The following CEACAM8 variants were observed in gnomAD, a reference collection of about 807,000 sequenced individuals.
CEACAM8 encodes the protein CEA cell adhesion molecule 8, also known as cell adhesion molecule CEACAM8.
A neutral mutation model predicts 33.4 loss-of-function variants in CEACAM8; 31 were observed. The ratio of observed to expected loss-of-function variants is 0.93; its 90% CI spans 0.70 to 1.25. The LOEUF (loss-of-function observed/expected upper bound fraction) is 1.25, where lower values mean the gene tolerates loss of function less well. Ranked by LOEUF, CEACAM8 falls within the 50% of genes most tolerant of loss-of-function variation. CEACAM8 has a pLI of 0.00. For missense variants in CEACAM8, 388 were observed against 434.6 expected (o/e 0.89, Z 0.95); for synonymous variants, 138 against 164.5 (o/e 0.84, Z 1.23).
intron 4 of CEACAM8, among the ~76,000 whole-genome samples, chr19:42,583,692 G>T (rs2042289968): frequency 6.6e-6 from 1 of 152,096 alleles, no homozygotes; most frequent in African/African-American, 2.4e-5. Context: ...GTTGTGGCAG[G>T]TCTCTATGGC....
In CEACAM8 at chr19:42,593,608, G is replaced by A. The variant is rs2042487635; in HGVS notation, c.357C>T (p.Ser119=). 1.9e-6 allele frequency: 3 copies of A among 1,612,018 alleles called. No individual in the cohort carries two copies. The highest frequency in any genetic ancestry group is 2.7e-5 in the African/African-American group (2 of 75,022). Residue 119 remains serine, a synonymous_variant, in exon 2 of 6, where the codon TCC becomes TCT. Transcript: ENST00000244336. ...MRNVTRNDTG[S]YTLQVIKLNL... The stretch of plus-strand genomic sequence containing the variant: ...TTAGCTTTATGACTTGTAGGGTGTA[G>A]GATCCTGTGTCATTTCTGGTGACGT...
At chr19:42,589,061 C>T in intron 3 of CEACAM8, 23 bp from the exon 4 acceptor site, 3 of 1,598,588 alleles carry the variant, frequency 1.9e-6, no homozygotes, top group Non-Finnish European at 2.6e-6. Flanking sequence ...AATAAAGTCA[C>T]AGGTGATGTC....
intron 2 of CEACAM8, among the ~76,000 whole-genome samples, chr19:42,590,909 G>A (rs9304604): frequency 0.22 from 34,127 of 152,142 alleles, 6,217 homozygotes; most frequent in African/African-American, 0.5. Flanking sequence ...AAGGCTTAGG[G>A]CCAAAAGTGT....
At chr19:42,582,662 G>T (rs540219969) in intron 5 of CEACAM8, among the ~76,000 whole-genome samples, 2 of 152,126 alleles carry the variant, frequency 1.3e-5, no homozygotes, top group African/African-American at 4.8e-5. Context: ...GGGTAGATGC[G>T]CAGGGAAGTG....
intron 2 of CEACAM8, among the ~76,000 whole-genome samples, chr19:42,589,937 A>G (rs968289087): frequency 3.3e-5 from 5 of 152,310 alleles, no homozygotes; most frequent in African/African-American, 1.2e-4. Flanking sequence ...TGGGAGAAAC[A>G]CAGACTTTCT....
intron 2 of CEACAM8, among the ~76,000 whole-genome samples, chr19:42,590,778 G>T (rs867784943): frequency 3.9e-5 from 6 of 152,154 alleles, no homozygotes; most frequent in Admixed American, 1.3e-4. Flanking sequence ...GGCTGGGAGT[G>T]GGGGGAATGG....
At chr19:42,591,190 A>AT (rs963983097) in intron 2 of CEACAM8, among the ~76,000 whole-genome samples, 10 of 152,328 alleles carry the variant, frequency 6.6e-5, no homozygotes, top group Non-Finnish European at 1.2e-4. Context: ...GGAAACATGA[A>AT]TTTTTTTCCA....
chr19:42,582,975 A>T (rs2042280691), intron 5 of CEACAM8: 1 of 407,862 alleles, frequency 2.5e-6, no homozygotes, highest in Admixed American at 4.3e-5. Context: ...AGACTTTCAT[A>T]GTGTATTGAA....
At chr19:42,581,920 A>AAAATATATAT (rs1555805368) in intron 5 of CEACAM8, among the ~76,000 whole-genome samples, 7 of 25,304 alleles carry the variant, frequency 2.8e-4, no homozygotes, top group Non-Finnish European at 4.6e-4. Context: ...AAAAAAAAAA[A>AAAATATATAT]ATATATATAT....
At chr19:42,589,322 G>C (rs746441590) in intron 3 of CEACAM8, 135 bp downstream of exon 3, 4 of 1,393,470 alleles carry the variant, frequency 2.9e-6, no homozygotes, top group Non-Finnish European at 4.0e-6. Flanking sequence ...GGGGCAGAAA[G>C]TCATGACGAG....
At position 42,589,641 on chromosome 19, in the gene CEACAM8, G is replaced by A. The variant is rs10418988; in HGVS notation, c.519C>T (p.Asn173=). The change falls in exon 3 of 6, where the codon AAC becomes AAT. Residue 173 remains asparagine (N), a synonymous_variant. Transcript: ENST00000244336. The part of the protein sequence containing the change: ...VAFTCEPETQ[N]TTYLWWVNGQ... ...CATTTACCCACCACAGGTAGGTTGT[G>A]TTCTGAGTCTCAGGTTCACAGGTGA... The A allele has an allele frequency of 3.8e-3, 6,129 of 1,614,240 alleles. 179 individuals are homozygous for A. In the African/African-American group the frequency reaches 0.062, roughly 16 times the overall value.
At position 42,594,844 on chromosome 19, in the gene CEACAM8, C is replaced by G; in HGVS notation, c.-16G>C. On this transcript the variant is annotated 5_prime_UTR_variant, in exon 1 of 6. Transcript: ENST00000244336. ...TGGGCCCCATGGTCTCTGCTGCCTG[C>G]GTGTTCTCCTCTGTGGAGATGAGCC... The G allele has an allele frequency of 6.2e-7, 1 of 1,605,824 alleles. No individual in the cohort carries two copies. Among genetic ancestry groups the G allele is most frequent in the East Asian group, 2.2e-5 (1 of 44,610 alleles).
At chr19:42,589,323 T>A in intron 3 of CEACAM8, 134 bp downstream of exon 3, 1 of 1,398,950 alleles carries the variant, frequency 7.1e-7, no homozygotes, top group South Asian at 1.3e-5. Context: ...GGGCAGAAAG[T>A]CATGACGAGC....
intron 1 of CEACAM8, 91 bp downstream of exon 1, chr19:42,594,674 G>C (rs1393196700): frequency 1.1e-5 from 11 of 994,078 alleles, no homozygotes; most frequent in Non-Finnish European, 1.7e-5. Context: ...GAAGTCCTCT[G>C]TCCCCTCTCA....
rs929281282 is a variant in CEACAM8 at position 42,589,654 on chromosome 19, G to A, written c.506C>T (p.Pro169Leu). The change falls in exon 3 of 6, where the codon CCT (proline) becomes CTT (leucine). Residue 169 changes from proline to leucine, a missense_variant. Coordinates refer to ENST00000244336, the MANE Select transcript of CEACAM8 (RefSeq NM_001816.4). ...CAGGTAGGTTGTGTTCTGAGTCTCAGGTTCACAGGTGAAGGCCACAGCATC... is the reference window on the plus strand; with the variant it reads ...CAGGTAGGTTGTGTTCTGAGTCTCAAGTTCACAGGTGAAGGCCACAGCATC... ...DKDAVAFTCE[P>L]ETQNTTYLWW... 3.7e-6 allele frequency: 6 copies of A among 1,614,120 alleles called. No individual in the cohort carries two copies. The highest frequency in any genetic ancestry group is 5.1e-6 in the Non-Finnish European group (6 of 1,180,046).
chr19:42,583,406 C>T (rs567025375), intron 4 of CEACAM8, 69 bp from the exon 5 acceptor site: 71 of 975,984 alleles, frequency 7.3e-5, no homozygotes, highest in Admixed American at 1.2e-4. Flanking sequence ...CCCCAGGAAC[C>T]AGCTCCTAGC....
Position 42,588,808 on chromosome 19 carries a change from T to C in CEACAM8, c.934A>G (p.Thr312Ala), listed in dbSNP as rs752662941. The change falls in exon 4 of 6, where the codon ACA (threonine) becomes GCA (alanine). Residue 312 changes from threonine (T) to alanine (A), a missense_variant. Coordinates refer to ENST00000244336, the MANE Select transcript of CEACAM8 (RefSeq NM_001816.4). ...TNSATGRNRTTVRMITVSDAL... is the reference protein window; with the variant it reads ...TNSATGRNRTAVRMITVSDAL... ...CCAGAGACTGTGATCATCCTGACTGTGGTCCTGTTGCGGCCAGTGGCTGAG... is the reference window on the plus strand; with the variant it reads ...CCAGAGACTGTGATCATCCTGACTGCGGTCCTGTTGCGGCCAGTGGCTGAG... The C allele has an allele frequency of 1.9e-6, 3 of 1,614,214 alleles. No individual in the cohort carries two copies. In the South Asian group the frequency reaches 3.3e-5, roughly 18 times the overall value.
In CEACAM8 at chr19:42,588,705, CT is replaced by C. The variant is rs1158265165; in HGVS notation, c.958+78del. ...TGTTGGACACAGGCTGGGAATAAAA[CT>C]TTTTTTCTGGCTCATCTCTGAAAGC... On this transcript the variant is annotated intron_variant, in intron 4 of 5. Transcript: ENST00000244336. 8 of 1,549,028 alleles carry C rather than the reference CT, an allele frequency of 5.2e-6. No homozygotes were observed. In the East Asian group the frequency reaches 9.0e-5, roughly 17 times the overall value.
chr19:42,588,357 T>G (rs536565285), intron 4 of CEACAM8, among the ~76,000 whole-genome samples: 1 of 152,106 alleles, frequency 6.6e-6, no homozygotes, highest in Non-Finnish European at 1.5e-5. Flanking sequence ...CTCCTCCCAT[T>G]TGGGGAACGT....
Sources: allele counts gnomAD v4.1 joint callset (sites outside exome capture counted in the v4.1 genomes callset), GRCh38; gene constraint gnomAD v4.1.1; transcripts MANE v1.5; gene names NCBI Gene and HGNC (gene_info 2026-07-23, HGNC 2026-07-21).